ADGRB3: variants seen among roughly 807,000 people sequenced by gnomAD.
The protein encoded by ADGRB3 is brain-specific angiogenesis inhibitor 3.
ADGRB3 carries 37 observed loss-of-function variants against 193.4 expected under a neutral mutation model. That is an observed-to-expected ratio of 0.19 (90% CI 0.15 to 0.25). The LOEUF is 0.25. ADGRB3 is among the 10% of genes least tolerant of loss of function. ADGRB3 has a pLI of 1.00. For synonymous variants in ADGRB3, 690 were observed against 644.2 expected (o/e 1.07, Z -1.08); for missense variants, 1,637 against 1,852.9 (o/e 0.88, Z 2.14).
At chr6:69,228,982 G>T (rs1766079025) in intron 17 of ADGRB3, among the ~76,000 whole-genome samples, 2 of 152,116 alleles carry the variant, frequency 1.3e-5, no homozygotes, top group African/African-American at 4.8e-5. Flanking sequence ...ATTTGAAAAA[G>T]TAATATCCCA....
At chr6:68,855,206 T>C (rs150792472) in intron 3 of ADGRB3, among the ~76,000 whole-genome samples, 1 of 152,216 alleles carries the variant, frequency 6.6e-6, no homozygotes. Flanking sequence ...AAATATCTTT[T>C]AATATCTACA....
intron 26 of ADGRB3, among the ~76,000 whole-genome samples, chr6:69,340,813 G>A (rs1477320888): frequency 6.6e-6 from 1 of 152,044 alleles, no homozygotes; most frequent in African/African-American, 2.4e-5. Flanking sequence ...CCCTCCCTGT[G>A]TCCGTGTGTT....
At chr6:69,185,276 A>G (rs1765044533) in intron 17 of ADGRB3, among the ~76,000 whole-genome samples, 2 of 152,160 alleles carry the variant, frequency 1.3e-5, no homozygotes, top group Admixed American at 6.5e-5. Flanking sequence ...GAAACAGAGA[A>G]GAGTACAGCA....
chr6:69,123,220 T>C (rs1217137578), intron 17 of ADGRB3, among the ~76,000 whole-genome samples: 1 of 152,184 alleles, frequency 6.6e-6, no homozygotes, highest in African/African-American at 2.4e-5. Flanking sequence ...TACCATTTTG[T>C]ATTTTTATGC....
intron 6 of ADGRB3, among the ~76,000 whole-genome samples, chr6:68,951,916 A>G (rs1175114515): frequency 3.9e-5 from 6 of 152,108 alleles, no homozygotes; most frequent in Non-Finnish European, 8.8e-5. Context: ...CTTCCTCACC[A>G]CTTTAGCTCC....
At chr6:69,337,419 C>A (rs1293021994) in intron 24 of ADGRB3, among the ~76,000 whole-genome samples, 1 of 152,046 alleles carries the variant, frequency 6.6e-6, no homozygotes. Context: ...TTAAAAAAAG[C>A]AGATGCCTAA....
intron 3 of ADGRB3, among the ~76,000 whole-genome samples, chr6:68,696,895 C>T (rs549841278): frequency 3.9e-5 from 6 of 151,964 alleles, no homozygotes; most frequent in Non-Finnish European, 8.8e-5. Context: ...AAAAACCTTT[C>T]GTCCTCCTGT....
At chr6:68,890,821 A>T (rs1766053041) in intron 3 of ADGRB3, among the ~76,000 whole-genome samples, 1 of 152,210 alleles carries the variant, frequency 6.6e-6, no homozygotes, top group Non-Finnish European at 1.5e-5. Flanking sequence ...AATGCCATAA[A>T]TGGATCTTAA....
chr6:69,178,800 G>A (rs1487125078), intron 17 of ADGRB3, among the ~76,000 whole-genome samples: 1 of 152,112 alleles, frequency 6.6e-6, no homozygotes. Flanking sequence ...GGTTTATAAG[G>A]TTTCATCTGA....
At chr6:68,979,944 A>G (rs1326901358) in intron 10 of ADGRB3, among the ~76,000 whole-genome samples, 1 of 151,420 alleles carries the variant, frequency 6.6e-6, no homozygotes, top group African/African-American at 2.4e-5. Context: ...GGCAGAATGT[A>G]TGCCCCTGTA....
intron 20 of ADGRB3, among the ~76,000 whole-genome samples, chr6:69,252,177 C>G (rs1488055822): frequency 6.6e-6 from 1 of 151,930 alleles, no homozygotes; most frequent in Non-Finnish European, 1.5e-5. Context: ...TTCTTCTGGC[C>G]TCTTTTGCTC....
At chr6:69,291,706 A>G (rs1767685547) in intron 20 of ADGRB3, among the ~76,000 whole-genome samples, 1 of 152,164 alleles carries the variant, frequency 6.6e-6, no homozygotes, top group South Asian at 2.1e-4. Flanking sequence ...GGCAGACCCT[A>G]ACCTCATGGC....
rs1240076255 is a variant in ADGRB3, at chr6:68,978,977, A to G, written c.1734+3637A>G. ...ATAGCAATCACCTAAATTTGAAATG[A>G]AATTTTATCATTAATAAACATTAGT... On this transcript the variant is annotated intron_variant, in intron 10 of 31. Transcript: ENST00000370598. 1.3e-5 allele frequency among the ~76,000 whole-genome samples: 2 copies of G among 151,368 alleles called. 1 individual carries two copies. Among genetic ancestry groups the G allele is most frequent in the Non-Finnish European group, 3.0e-5 (2 of 67,602 alleles).
At chr6:69,169,161 A>G (rs998504246) in intron 17 of ADGRB3, among the ~76,000 whole-genome samples, 3 of 152,136 alleles carry the variant, frequency 2.0e-5, no homozygotes, top group Non-Finnish European at 2.9e-5. Context: ...GATTGAAGAG[A>G]GAGAAACTAT....
chr6:69,054,431 T>A (rs1204758023), intron 15 of ADGRB3, among the ~76,000 whole-genome samples: 1 of 152,146 alleles, frequency 6.6e-6, no homozygotes, highest in Non-Finnish European at 1.5e-5. Context: ...GCAATCAACC[T>A]GAAGCAGTCA....
chr6:69,025,146 C>G (rs923826042), intron 13 of ADGRB3, among the ~76,000 whole-genome samples: 1 of 151,686 alleles, frequency 6.6e-6, no homozygotes, highest in Non-Finnish European at 1.5e-5. Flanking sequence ...TTAAGTTTGT[C>G]AGGATGAAAA....
chr6:69,356,000 A>G, intron 28 of ADGRB3, 140 bp downstream of exon 28: 2 of 623,400 alleles, frequency 3.2e-6, no homozygotes, highest in Non-Finnish European at 5.2e-6. Flanking sequence ...CAGCCCCCAA[A>G]TGCCAAAGGA....
rs545704410 is a variant in ADGRB3 at position 68,737,840 on chromosome 6, A to G, written c.757+98408A>G. Among the ~76,000 whole-genome samples the G allele has an allele frequency of 5.9e-5, 9 of 152,314 alleles. No individual in the cohort carries two copies. In the East Asian group the frequency reaches 1.5e-3, roughly 26 times the overall value. ...CTTCCTACCGGGCAGGTACTACTTC[A>G]GGGCCTAAGAGCACAACAAAGTAGC... On this transcript the variant is annotated intron_variant, in intron 3 of 31. Transcript: ENST00000370598.
rs575437663 is a variant in ADGRB3 at position 68,910,115 on chromosome 6, G to A, written c.758-20444G>A. On this transcript the variant is annotated intron_variant, in intron 3 of 31. Transcript: ENST00000370598. ...TTGCCATTCTAACTGGTGTGAGATG[G>A]TATCTCATTGTGGTTTTGATTTGCA... Among the ~76,000 whole-genome samples, 15 of 152,232 alleles carry A rather than the reference G, an allele frequency of 9.9e-5. No individual in the cohort carries two copies. The South Asian group carries it at 3.1e-3, about 32-fold the overall frequency.
Sources: allele counts gnomAD v4.1 joint callset (sites outside exome capture counted in the v4.1 genomes callset), GRCh38; gene constraint gnomAD v4.1.1; transcripts MANE v1.5; gene names NCBI Gene and HGNC (gene_info 2026-07-23, HGNC 2026-07-21).